MCTP1: variants seen among roughly 807,000 people sequenced by gnomAD.
MCTP1 encodes multiple C2 and transmembrane domain-containing protein 1.
MCTP1 carries 69 observed loss-of-function variants against 120.6 expected under a neutral mutation model. The observed-to-expected ratio is 0.57, with a 90% CI of 0.47 to 0.70. The LOEUF is 0.70. Among genes scored for constraint, MCTP1 ranks in the 30% least tolerant of loss-of-function variants. The pLI is 0.00. For missense variants in MCTP1, 1,203 were observed against 1,248.8 expected (o/e 0.96, Z 0.55); for synonymous variants, 529 against 493.1 (o/e 1.07, Z -0.96).
At chr5:95,276,251 ATTTTTTTTTTTTT>A (rs34667866) in intron 1 of MCTP1, among the ~76,000 whole-genome samples, 11 of 84,742 alleles carry the variant, frequency 1.3e-4, no homozygotes, top group African/African-American at 4.7e-4. Flanking sequence ...CAATATTGGG[ATTTTTTTTTTTTT>A]TTTTTTTTTT....
intron 19 of MCTP1, among the ~76,000 whole-genome samples, chr5:94,722,258 G>C (rs1363395077): frequency 6.6e-6 from 1 of 152,104 alleles, no homozygotes; most frequent in Non-Finnish European, 1.5e-5. Context: ...CCTTCACTGA[G>C]TCTGTTCTAA....
At chr5:95,043,939 G>A (rs1842759630) in intron 1 of MCTP1, among the ~76,000 whole-genome samples, 1 of 152,182 alleles carries the variant, frequency 6.6e-6, no homozygotes, top group Non-Finnish European at 1.5e-5. Context: ...AGCACTGTAT[G>A]CTCACACACC....
At chr5:94,853,095 G>A (rs1736137988) in intron 17 of MCTP1, among the ~76,000 whole-genome samples, 1 of 151,806 alleles carries the variant, frequency 6.6e-6, no homozygotes, top group Non-Finnish European at 1.5e-5. Flanking sequence ...TCCAATATTT[G>A]ATTTTATCAT....
At chr5:95,149,993 T>C (rs1435110118) in intron 1 of MCTP1, among the ~76,000 whole-genome samples, 4 of 152,162 alleles carry the variant, frequency 2.6e-5, no homozygotes, top group African/African-American at 9.7e-5. Context: ...ATGTGTCCCT[T>C]TGCTCCCTTG....
chr5:94,952,037 T>C (rs1820722331), intron 3 of MCTP1, among the ~76,000 whole-genome samples: 1 of 151,740 alleles, frequency 6.6e-6, no homozygotes. Flanking sequence ...CTAGACATGG[T>C]GGTGGGTACC....
intron 1 of MCTP1, among the ~76,000 whole-genome samples, chr5:95,099,672 G>A (rs1756564699): frequency 6.6e-6 from 1 of 150,904 alleles, no homozygotes; most frequent in Non-Finnish European, 1.5e-5. Flanking sequence ...TACACTGTTG[G>A]TGGGACTGTA....
At chr5:95,204,036 T>C (rs769165259) in intron 1 of MCTP1, among the ~76,000 whole-genome samples, 1 of 152,202 alleles carries the variant, frequency 6.6e-6, no homozygotes, top group Non-Finnish European at 1.5e-5. Context: ...CACTGAGTTT[T>C]TGTGCTTGAA....
intron 1 of MCTP1, among the ~76,000 whole-genome samples, chr5:95,119,245 A>C (rs1362209601): frequency 6.6e-6 from 1 of 152,240 alleles, no homozygotes. Flanking sequence ...TTGAGGAACT[A>C]TACAGACATA....
Position 94,870,984 on chromosome 5 carries a change from A to G in MCTP1, c.2140-11T>C, listed in dbSNP as rs1262826113. 3.1e-6 allele frequency: 5 copies of G among 1,605,422 alleles called. No homozygotes were observed. The highest frequency in any genetic ancestry group is 4.3e-6 in the Non-Finnish European group (5 of 1,172,748). ...TTCACCATTTTGAATCTGCGGGAAA[A>G]GGACATGACAGCCGTCTGTCTCGCG... On this transcript the variant is annotated splice_polypyrimidine_tract_variant and intron_variant, in intron 14 of 22. Transcript: ENST00000515393.
rs149039271 is a variant in MCTP1 at position 95,011,433 on chromosome 5, T to C, written c.838+5934A>G. ...TTTTACTCCATCATTACCATTGATA[T>C]GGTTTGGCTCTGTGTCCCTACCCAA... is the stretch of plus-strand genomic sequence containing the variant. On this transcript the variant is annotated intron_variant, in intron 2 of 22. Transcript: ENST00000515393. 8.3e-4 allele frequency among the ~76,000 whole-genome samples: 127 copies of C among 152,284 alleles called. 1 individual carries two copies. In the East Asian group the frequency reaches 0.019, roughly 22 times the overall value.
chr5:95,124,738 C>G (rs1348033957), intron 1 of MCTP1, among the ~76,000 whole-genome samples: 1 of 152,228 alleles, frequency 6.6e-6, no homozygotes, highest in Non-Finnish European at 1.5e-5. Context: ...TATGATCCCA[C>G]TATGCAGGGT....
intron 2 of MCTP1, among the ~76,000 whole-genome samples, chr5:94,972,959 G>A (rs1008732285): frequency 6.6e-6 from 1 of 152,086 alleles, no homozygotes; most frequent in African/African-American, 2.4e-5. Flanking sequence ...CTGGGTTGAG[G>A]AGGGAGAGAA....
At chr5:94,775,835 G>A (rs1775172705) in intron 19 of MCTP1, among the ~76,000 whole-genome samples, 1 of 151,382 alleles carries the variant, frequency 6.6e-6, no homozygotes, top group Non-Finnish European at 1.5e-5. Flanking sequence ...TGAACAATGG[G>A]TTTGAGAATG....
chr5:95,263,155 C>T (rs905361794), intron 1 of MCTP1, among the ~76,000 whole-genome samples: 4 of 152,176 alleles, frequency 2.6e-5, no homozygotes, highest in African/African-American at 9.7e-5. Context: ...TTCATTTGCC[C>T]AGAGAAGCAA....
At chr5:94,743,475 A>G (rs931028185) in intron 19 of MCTP1, among the ~76,000 whole-genome samples, 1 of 152,178 alleles carries the variant, frequency 6.6e-6, no homozygotes, top group Admixed American at 6.5e-5. Flanking sequence ...GGTGCCAACA[A>G]GGAGCTATCC....
chr5:95,048,226 T>G (rs577023988), intron 1 of MCTP1, among the ~76,000 whole-genome samples: 2 of 152,290 alleles, frequency 1.3e-5, no homozygotes, highest in African/African-American at 4.8e-5. Context: ...TAGTTGAAAC[T>G]GCTACCATAA....
chr5:94,965,686 T>C (rs1825422933), intron 2 of MCTP1, among the ~76,000 whole-genome samples: 1 of 152,208 alleles, frequency 6.6e-6, no homozygotes, highest in African/African-American at 2.4e-5. Context: ...TGCTATTTGA[T>C]AAATTCGTGC....
At chr5:95,179,374 T>G (rs368556978) in intron 1 of MCTP1, among the ~76,000 whole-genome samples, 41 of 152,300 alleles carry the variant, frequency 2.7e-4, no homozygotes, top group African/African-American at 9.6e-4. Context: ...TCTAGGCACA[T>G]AGTCATCAGG....
intron 18 of MCTP1, chr5:94,788,727 A>G (rs1403598920): frequency 6.7e-6 from 1 of 148,496 alleles, no homozygotes; most frequent in Non-Finnish European, 1.5e-5. Flanking sequence ...CCAAGAGGAG[A>G]GTGCAAAGTC....
Sources: gnomAD v4.1 joint callset for allele counts (sites outside exome capture counted in the v4.1 genomes callset) on GRCh38, gnomAD v4.1.1 for gene constraint, MANE v1.5 for transcripts, NCBI Gene and HGNC (gene_info 2026-07-23, HGNC 2026-07-21) for gene names.